Variants in DGKI observed in about 807,000 individuals in gnomAD.
DGKI encodes the protein DAG kinase iota.
A neutral mutation model predicts 147.5 loss-of-function variants in DGKI; 55 were observed. The ratio of observed to expected loss-of-function variants is 0.37; its 90% CI spans 0.30 to 0.47. The LOEUF (loss-of-function observed/expected upper bound fraction) is 0.47. DGKI is among the 20% of genes least tolerant of loss of function. The pLI is 1.00. For missense variants in DGKI, 1,007 were observed against 1,323.8 expected, an observed-to-expected ratio of 0.76 and a Z score of 3.71; for synonymous variants, 469 against 477.1, an observed-to-expected ratio of 0.98 and a Z score of 0.22.
intron 28 of DGKI, among the ~76,000 whole-genome samples, chr7:137,431,863 A>G (rs982921540): frequency 2.0e-5 from 3 of 152,132 alleles, no homozygotes; most frequent in Admixed American, 6.5e-5. Flanking sequence ...CGAAAGTTGC[A>G]ATTACTCAGA....
chr7:137,527,360 G>A (rs1269454244), intron 20 of DGKI, among the ~76,000 whole-genome samples: 1 of 152,080 alleles, frequency 6.6e-6, no homozygotes, highest in Non-Finnish European at 1.5e-5. Flanking sequence ...GCTCTAATTA[G>A]CACTTAGTAG....
rs566522132 is a variant in DGKI, at chr7:137,814,757, G to A, written c.401+31705C>T. On this transcript the variant is annotated intron_variant, in intron 1 of 32. Transcript: ENST00000614521. ...ATTATTAAATGTTATAAGCACCCCC[G>A]CTAGAGAACAAGTATAGAAAGGAAT... is the stretch of plus-strand genomic sequence containing the variant. Among the ~76,000 whole-genome samples the A allele has an allele frequency of 8.1e-4, 124 of 152,232 alleles. 1 individual carries two copies. In the South Asian group the frequency reaches 0.01, roughly 13 times the overall value.
At chr7:137,392,584 G>C (rs1366593048) in intron 32 of DGKI, among the ~76,000 whole-genome samples, 1 of 152,082 alleles carries the variant, frequency 6.6e-6, no homozygotes, top group East Asian at 1.9e-4. Flanking sequence ...AGGACAAAAG[G>C]GAAGTAACAA....
intron 27 of DGKI, among the ~76,000 whole-genome samples, chr7:137,455,143 G>A (rs1283793432): frequency 6.6e-6 from 1 of 152,112 alleles, no homozygotes; most frequent in African/African-American, 2.4e-5. Flanking sequence ...GGGGTTGGAA[G>A]CTGGTTTGGC....
chr7:137,764,752 G>A (rs1319310721), intron 1 of DGKI, among the ~76,000 whole-genome samples: 1 of 152,122 alleles, frequency 6.6e-6, no homozygotes, highest in Non-Finnish European at 1.5e-5. Flanking sequence ...ATAATACAGT[G>A]CCCATATTAT....
chr7:137,769,197 C>T (rs556369150), intron 1 of DGKI, among the ~76,000 whole-genome samples: 1 of 152,222 alleles, frequency 6.6e-6, no homozygotes, highest in South Asian at 2.1e-4. Flanking sequence ...CAAAAGAAGC[C>T]GAGACGTGTT....
At chr7:137,517,319 GAA>G (rs1213831937) in intron 21 of DGKI, among the ~76,000 whole-genome samples, 107 of 100,956 alleles carry the variant, frequency 1.1e-3, no homozygotes, top group African/African-American at 4.4e-3. Context: ...AAGAAAGAAA[GAA>G]AGAAAGAAAG....
At chr7:137,693,591 T>C (rs2116472012) in intron 1 of DGKI, among the ~76,000 whole-genome samples, 1 of 152,298 alleles carries the variant, frequency 6.6e-6, no homozygotes, top group East Asian at 1.9e-4. Context: ...GACTATAAAC[T>C]CCTAAAGGAC....
At chr7:137,404,651 C>T (rs1811875432) in intron 30 of DGKI, among the ~76,000 whole-genome samples, 1 of 152,108 alleles carries the variant, frequency 6.6e-6, no homozygotes, top group Non-Finnish European at 1.5e-5. Flanking sequence ...AAATTGTTTG[C>T]CTGGAAGTGA....
intron 21 of DGKI, among the ~76,000 whole-genome samples, chr7:137,506,707 G>A (rs1816380558): frequency 6.6e-6 from 1 of 152,074 alleles, no homozygotes; most frequent in Admixed American, 6.6e-5. Context: ...TTGCGGTAGG[G>A]GAGGGTTGAG....
At chr7:137,430,492 C>G (rs1168957046) in intron 28 of DGKI, among the ~76,000 whole-genome samples, 1 of 151,560 alleles carries the variant, frequency 6.6e-6, no homozygotes, top group African/African-American at 2.4e-5. Flanking sequence ...CAGCATGGCA[C>G]ATGTATACAT....
intron 30 of DGKI, among the ~76,000 whole-genome samples, chr7:137,407,075 C>A (rs1184528494): frequency 1.3e-5 from 2 of 152,120 alleles, no homozygotes; most frequent in Admixed American, 1.3e-4. Flanking sequence ...CTCTGTATAC[C>A]AAGATCCAGC....
At chr7:137,535,508 A>G (rs987649659) in intron 20 of DGKI, among the ~76,000 whole-genome samples, 1 of 151,804 alleles carries the variant, frequency 6.6e-6, no homozygotes, top group African/African-American at 2.4e-5. Flanking sequence ...TGGCACATGT[A>G]CTACCCCCAA....
intron 1 of DGKI, among the ~76,000 whole-genome samples, chr7:137,693,337 T>G (rs1823675483): frequency 6.6e-6 from 1 of 152,186 alleles, no homozygotes; most frequent in Non-Finnish European, 1.5e-5. Context: ...TGCCAATGAT[T>G]CTTTCTATTA....
chr7:137,532,847 G>A (rs1021922249), intron 20 of DGKI, among the ~76,000 whole-genome samples: 2 of 152,006 alleles, frequency 1.3e-5, no homozygotes, highest in East Asian at 3.9e-4. Flanking sequence ...TCTTGTCTTT[G>A]TAAAAATGAC....
At chr7:137,511,866 AGGGCAGAGCCTGATCT>A (rs1816591459) in intron 21 of DGKI, among the ~76,000 whole-genome samples, 1 of 152,234 alleles carries the variant, frequency 6.6e-6, no homozygotes, top group Non-Finnish European at 1.5e-5. Flanking sequence ...ATCCCCTTCC[AGGGCAGAGCCTGATCT>A]GTGTCCAATA....
intron 28 of DGKI, among the ~76,000 whole-genome samples, chr7:137,417,612 A>T (rs1812408175): frequency 6.6e-6 from 1 of 152,118 alleles, no homozygotes. Flanking sequence ...GGAAAGGGAG[A>T]AGACAGCTGC....
chr7:137,446,489 T>C (rs12155075), intron 27 of DGKI, among the ~76,000 whole-genome samples: 47,477 of 151,988 alleles, frequency 0.31, 8,824 homozygotes, highest in East Asian at 0.64. Context: ...CATAAAAAGT[T>C]AGCTCATGTG....
intron 1 of DGKI, among the ~76,000 whole-genome samples, chr7:137,816,400 T>C (rs1585527470): frequency 6.6e-6 from 1 of 152,206 alleles, no homozygotes; most frequent in African/African-American, 2.4e-5. Flanking sequence ...ATTGAGTTAA[T>C]ACATGCAAAA....
Sources: gnomAD v4.1 joint callset for allele counts (sites outside exome capture counted in the v4.1 genomes callset) on GRCh38, gnomAD v4.1.1 for gene constraint, MANE v1.5 for transcripts, NCBI Gene and HGNC (gene_info 2026-07-23, HGNC 2026-07-21) for gene names.